The following KIF22 variants were observed in gnomAD, a reference collection of about 807,000 sequenced individuals.
KIF22 encodes kinesin-like protein KIF22.
A neutral mutation model predicts 73.0 loss-of-function variants in KIF22; 62 were observed. The observed-to-expected ratio is 0.85, with a 90% CI of 0.69 to 1.05. The LOEUF is 1.05. Ranked by LOEUF, KIF22 falls within the 50% of genes least tolerant of loss-of-function variation. The pLI is 0.00. For missense variants in KIF22, 854 were observed against 870.1 expected (o/e 0.98, Z 0.23); for synonymous variants, 411 against 340.1 (o/e 1.21, Z -2.29).
chr16:29,804,065 G>T lies in KIF22; in HGVS notation c.1677G>T (p.Lys559Asn). The change falls in exon 11 of 14, where the codon AAG becomes AAT. Residue 559 changes from lysine (K) to asparagine (N), a missense_variant and splice_region_variant. Transcript: ENST00000160827. ...TGAAGAATAAAGGCCGGAAGAGAAA[G>T]GTGAAAGTAGCTGGGGGCTTAGGCT... ...HILKNKGRKR[K>N]LESLDALEPE... The T allele has an allele frequency of 6.2e-7, 1 of 1,613,048 alleles. No homozygotes were observed. Among genetic ancestry groups the T allele is most frequent in the Non-Finnish European group, 8.5e-7 (1 of 1,179,052 alleles).
chr16:29,799,412 T>A lies in KIF22; in HGVS notation c.908T>A (p.Val303Asp), dbSNP rs754700165. 1 of 1,614,232 alleles carries A rather than the reference T, an allele frequency of 6.2e-7. No homozygotes were observed. The highest frequency in any genetic ancestry group is 1.1e-5 in the South Asian group (1 of 91,086). Residue 303 changes from valine (V) to aspartate (D), a missense_variant, in exon 6 of 14, where the codon GTC becomes GAC. Transcript: ENST00000160827. ...GGAGCCATCAACACCTCCCTGTTTG[T>A]CCTGGGCAAAGTGGTAGATGCGCTG... ...ESGAINTSLF[V>D]LGKVVDALNQ...
Position 29,795,357 on chromosome 16 carries a change from G to A in KIF22, c.71-1536G>A, listed in dbSNP as rs377073812. Among the ~76,000 whole-genome samples, 97 of 152,340 alleles carry A rather than the reference G, an allele frequency of 6.4e-4. 2 individuals carry two copies. The South Asian group carries it at 0.02, about 31-fold the overall frequency. On this transcript the variant is annotated intron_variant, in intron 1 of 13. Coordinates refer to ENST00000160827, the MANE Select transcript of KIF22 (RefSeq NM_007317.3). ...AAACAGCCCGTCTGCTTATGGGCATGCCTTACTTAGGTGTAAGATTCTTTG... is the reference window on the plus strand; with the variant it reads ...AAACAGCCCGTCTGCTTATGGGCATACCTTACTTAGGTGTAAGATTCTTTG...
At position 29,804,938 on chromosome 16, in the gene KIF22, C is replaced by G. The variant is rs967769811; in HGVS notation, c.1802C>G (p.Ala601Gly). The G allele has an allele frequency of 6.2e-7, 1 of 1,609,288 alleles. No individual in the cohort carries two copies. The highest frequency in any genetic ancestry group is 8.5e-7 in the Non-Finnish European group (1 of 1,178,134). Residue 601 changes from alanine (A) to glycine (G), a missense_variant, in exon 12 of 14, where the codon GCC becomes GGC. By Grantham distance (60) the Ala-to-Gly change is moderately conservative. Transcript: ENST00000160827. ...CTGGATCTGCTGAACGAAGGCTCAG[C>G]CCGAGATCTCCGCAGTCTTCAGCGC... ...KILDLLNEGS[A>G]RDLRSLQRIG...
At chr16:29,799,529 C>G in intron 6 of KIF22, 35 bp downstream of exon 6, 1 of 1,612,382 alleles carries the variant, frequency 6.2e-7, no homozygotes, top group Non-Finnish European at 8.5e-7. Flanking sequence ...GAAGGGGCTG[C>G]AGAAGGAGGT....
intron 1 of KIF22, among the ~76,000 whole-genome samples, chr16:29,795,585 A>C (rs926798232): frequency 6.6e-6 from 1 of 152,202 alleles, no homozygotes; most frequent in Non-Finnish European, 1.5e-5. Context: ...AGATTTTTAG[A>C]GGGGAAGAGA....
In KIF22 at chr16:29,805,312, C is replaced by T; in HGVS notation, c.*2C>T. ...GGCCAGCGCTGTGGCGCCTCCTGAC[C>T]GTCGTCTCCTCACTCCGCCTTTTCA... On this transcript the variant is annotated 3_prime_UTR_variant, in exon 14 of 14. Coordinates refer to ENST00000160827, the MANE Select transcript of KIF22 (RefSeq NM_007317.3). The T allele has an allele frequency of 1.9e-6, 3 of 1,613,122 alleles. No homozygotes were observed. Among genetic ancestry groups the T allele is most frequent in the Non-Finnish European group, 2.5e-6 (3 of 1,179,960 alleles).
At position 29,799,675 on chromosome 16, in the gene KIF22, C is replaced by T. The variant is rs1354780080; in HGVS notation, c.1038C>T (p.Ala346=). 3 of 1,613,904 alleles carry T rather than the reference C, an allele frequency of 1.9e-6. No homozygotes were observed. Among genetic ancestry groups the T allele is most frequent in the Non-Finnish European group, 2.5e-6 (3 of 1,179,982 alleles). The stretch of plus-strand genomic sequence containing the variant: ...ACAGTATCCTTATTGCCAACATTGC[C>T]CCTGAGAGACGCTTCTACCTAGACA... ...SAHSILIANI[A]PERRFYLDTV... Residue 346 remains alanine (A), a synonymous_variant, in exon 7 of 14, where the codon GCC becomes GCT. Transcript: ENST00000160827.
At chr16:29,803,375 A>T in intron 9 of KIF22, 74 bp from the exon 10 acceptor site, 1 of 1,572,208 alleles carries the variant, frequency 6.4e-7, no homozygotes. Context: ...TTGCATACTC[A>T]CCCTGGTAAC....
rs1327214455 is a variant in KIF22, at chr16:29,805,028, T to C, written c.1890+2T>C. ...GAGCTCCACGGCCCCTTCAGCCAGG[T>C]AGCAGCCCACTGGACTGGGGGAGGG... On this transcript the variant is annotated splice_donor_variant, in intron 12 of 13. Coordinates refer to ENST00000160827, the MANE Select transcript of KIF22 (RefSeq NM_007317.3). LOFTEE classifies it high-confidence loss of function. The C allele has an allele frequency of 6.3e-7, 1 of 1,590,622 alleles. No homozygotes were observed. The highest frequency in any genetic ancestry group is 8.6e-7 in the Non-Finnish European group (1 of 1,162,382).
At chr16:29,799,589 T>C in intron 6 of KIF22, 39 bp from the exon 7 acceptor site, 1 of 1,613,270 alleles carries the variant, frequency 6.2e-7, no homozygotes, top group Non-Finnish European at 8.5e-7. Context: ...ATAGGAAGGC[T>C]GGGCTTCTGA....
intron 11 of KIF22, 109 bp downstream of exon 11, chr16:29,804,174 G>C: frequency 1.2e-6 from 1 of 847,882 alleles, no homozygotes; most frequent in Non-Finnish European, 2.0e-6. Context: ...GATGATGGCC[G>C]CCAGCTACTA....
Position 29,796,885 on chromosome 16 carries a change from T to A in KIF22, c.71-8T>A, listed in dbSNP as rs780272625. ...CTTCATGTCTAAAAGTGATCTTCTC[T>A]CCTCCAGGAGCTGGTCGCTGTCGGC... On this transcript the variant is annotated splice_polypyrimidine_tract_variant and splice_region_variant and intron_variant, in intron 1 of 13. Transcript: ENST00000160827. 6.2e-7 allele frequency: 1 copy of A among 1,613,850 alleles called. No homozygotes were observed.
rs1899219325 is a variant in KIF22, at chr16:29,803,540, C to T, written c.1541C>T (p.Pro514Leu). ...KENHCPTMLR[P>L]LSHRTVTGAK... is the part of the protein sequence containing the mutation. Reference sequence around the variant, plus strand: ...AACCATTGTCCCACAATGCTCCGGCCCCTTTCACATCGCACAGTCACAGGG... The same window carrying T: ...AACCATTGTCCCACAATGCTCCGGCTCCTTTCACATCGCACAGTCACAGGG... Residue 514 changes from proline to leucine, a missense_variant, in exon 10 of 14, where the codon CCC becomes CTC. This residue lies in a region of KIF22 where 423 missense variants were observed against 365.4 expected (regional missense o/e 1.16). Coordinates refer to ENST00000160827, the MANE Select transcript of KIF22 (RefSeq NM_007317.3). 1.9e-6 allele frequency: 3 copies of T among 1,614,044 alleles called. No homozygotes were observed. The highest frequency in any genetic ancestry group is 1.1e-5 in the South Asian group (1 of 91,022).
chr16:29,796,552 CTTT>C (rs879291113), intron 1 of KIF22, among the ~76,000 whole-genome samples: 2 of 145,186 alleles, frequency 1.4e-5, no homozygotes, highest in African/African-American at 2.5e-5. Context: ...CTCTCTCTCT[CTTT>C]TTTTTTTTTA....
intron 9 of KIF22, 29 bp from the exon 10 acceptor site, chr16:29,803,420 G>A: frequency 6.2e-7 from 1 of 1,612,232 alleles, no homozygotes; most frequent in Non-Finnish European, 8.5e-7. Context: ...GTTGGGTCTG[G>A]ATCACATCTC....
In KIF22 at chr16:29,790,770, G is replaced by A. The variant is rs1254009975; in HGVS notation, c.11G>A (p.Gly4Asp). The change falls in exon 1 of 14, where the codon GGC (glycine) becomes GAC (aspartate). Residue 4 changes from glycine (G) to aspartate (D), a missense_variant. Gly to Asp is a moderately conservative substitution (Grantham distance 94). Transcript: ENST00000160827. ...CAAGGAGGGAGTGGAATGGCCGCGG[G>A]CGGCTCGACGCAGCAGAGGCGACGC... is the stretch of plus-strand genomic sequence containing the variant. The part of the protein sequence containing the change: MAA[G>D]GSTQQRRREM... 2 of 1,597,534 alleles carry A rather than the reference G, an allele frequency of 1.3e-6. No individual in the cohort carries two copies. The highest frequency in any genetic ancestry group is 2.7e-5 in the African/African-American group (2 of 74,734).
intron 8 of KIF22, among the ~76,000 whole-genome samples, chr16:29,802,310 G>A (rs1411563535): frequency 2.0e-5 from 3 of 146,594 alleles, no homozygotes; most frequent in Non-Finnish European, 4.5e-5. Flanking sequence ...AAGCCTTACC[G>A]TGCTCAGAGT....
rs201707911 is a variant in KIF22 at position 29,790,818 on chromosome 16, C to T, written c.59C>T (p.Ala20Val). 99 of 1,602,256 alleles carry T rather than the reference C, an allele frequency of 6.2e-5. 1 individual carries two copies. In the South Asian group the frequency reaches 1.1e-3, roughly 18 times the overall value. ...CGCGAGATGGCGGCAGCTTCAGCGGCGGCGATCTCAGGTACTTGAGCCCGG... is the reference window on the plus strand; with the variant it reads ...CGCGAGATGGCGGCAGCTTCAGCGGTGGCGATCTCAGGTACTTGAGCCCGG... Reference protein sequence around the residue: ...RRREMAAASAAAISGAGRCRL... With the variant: ...RRREMAAASAVAISGAGRCRL... Residue 20 changes from alanine to valine, a missense_variant, in exon 1 of 14, where the codon GCG (alanine) becomes GTG (valine). Ala to Val is a moderately conservative substitution (Grantham distance 64, BLOSUM62 0). Transcript: ENST00000160827.
At position 29,797,099 on chromosome 16, in the gene KIF22, G is replaced by A. The variant is rs1180160479; in HGVS notation, c.266+11G>A. The A allele has an allele frequency of 1.9e-6, 3 of 1,553,030 alleles. No homozygotes were observed. The highest frequency in any genetic ancestry group is 2.7e-5 in the African/African-American group (2 of 73,062). Reference sequence around the variant, plus strand: ...GACTCTCAAATACCAGTAAGGTTCAGGCCACTCCTCTTCCCTCATGCCATC... The same window carrying A: ...GACTCTCAAATACCAGTAAGGTTCAAGCCACTCCTCTTCCCTCATGCCATC... On this transcript the variant is annotated intron_variant, in intron 2 of 13. Transcript: ENST00000160827. This position sits in a 1 kb window ranked among gnomAD's most constrained non-coding sequence, Gnocchi z 4.1.
Sources: gnomAD v4.1 joint callset for allele counts (sites outside exome capture counted in the v4.1 genomes callset) on GRCh38, gnomAD v4.1.1 for gene constraint, gnomAD v4.1.1 regional missense constraint, Gnocchi (gnomAD v3.1) non-coding constraint, MANE v1.5 for transcripts, NCBI Gene and HGNC (gene_info 2026-07-23, HGNC 2026-07-21) for gene names.